NXN: variants seen among roughly 807,000 people sequenced by gnomAD.
NXN encodes the protein nucleoredoxin.
In NXN, 16 loss-of-function variants were observed where a neutral mutation model predicts 48.6. That is an observed-to-expected ratio of 0.33 (90% CI 0.22 to 0.50). The LOEUF (loss-of-function observed/expected upper bound fraction) is 0.50. Among genes scored for constraint, NXN ranks in the 20% least tolerant of loss-of-function variants. The probability of loss-of-function intolerance (pLI) is 0.98; values close to 1 mark genes in which losing one functional copy is unlikely to be tolerated. For synonymous variants in NXN, 281 were observed against 269.6 expected (o/e 1.04, Z -0.41); for missense variants, 492 against 605.5 (o/e 0.81, Z 1.97).
At chr17:888,451 G>T (rs925462571) in intron 1 of NXN, among the ~76,000 whole-genome samples, 1 of 152,120 alleles carries the variant, frequency 6.6e-6, no homozygotes, top group African/African-American at 2.4e-5. Context: ...GAAATCCTGG[G>T]CTTAAAGGAT....
chr17:910,407 A>G (rs2068624662), intron 1 of NXN, among the ~76,000 whole-genome samples: 3 of 151,260 alleles, frequency 2.0e-5, no homozygotes, highest in South Asian at 4.2e-4. Context: ...GTGAGACTCC[A>G]TTAAAAAAAA....
intron 5 of NXN, among the ~76,000 whole-genome samples, chr17:809,786 G>C (rs181765557): frequency 1.0e-5 from 1 of 96,570 alleles, no homozygotes; most frequent in Non-Finnish European, 2.4e-5. Context: ...ACTGCCGAGC[G>C]CACAGTGCCG....
chr17:810,435 G>A (rs547439774), intron 5 of NXN, among the ~76,000 whole-genome samples: 4 of 152,266 alleles, frequency 2.6e-5, no homozygotes, highest in South Asian at 2.1e-4. Context: ...TTTCTTTAAC[G>A]GCAGCCTATT....
At chr17:947,251 C>G (rs946045597) in intron 1 of NXN, among the ~76,000 whole-genome samples, 1 of 152,082 alleles carries the variant, frequency 6.6e-6, no homozygotes, top group Non-Finnish European at 1.5e-5. Context: ...ACAAGCGTGA[C>G]GGGGACGCGC....
At chr17:852,422 C>T (rs2067933949) in intron 1 of NXN, among the ~76,000 whole-genome samples, 1 of 152,222 alleles carries the variant, frequency 6.6e-6, no homozygotes, top group Non-Finnish European at 1.5e-5. Context: ...AAACTCAACC[C>T]TGTTTTCTCT....
At chr17:811,984 G>C (rs1912055338) in intron 5 of NXN, among the ~76,000 whole-genome samples, 1 of 143,226 alleles carries the variant, frequency 7.0e-6, no homozygotes, top group Non-Finnish European at 1.5e-5. Flanking sequence ...CTGGAGTGCA[G>C]TGGCAAGATC....
At chr17:947,754 A>AC (rs2069060387) in intron 1 of NXN, among the ~76,000 whole-genome samples, 1 of 145,744 alleles carries the variant, frequency 6.9e-6, no homozygotes, top group African/African-American at 2.6e-5. Flanking sequence ...AAAAAAAAAA[A>AC]GGGCCAGGCA....
chr17:905,805 T>C (rs1450133115), intron 1 of NXN, among the ~76,000 whole-genome samples: 2 of 151,810 alleles, frequency 1.3e-5, no homozygotes, highest in Admixed American at 6.6e-5. Flanking sequence ...AGCGAGACCC[T>C]ATCTCTACAA....
chr17:905,535 A>G (rs2057661716), intron 1 of NXN, among the ~76,000 whole-genome samples: 1 of 152,242 alleles, frequency 6.6e-6, no homozygotes, highest in South Asian at 2.1e-4. Flanking sequence ...CTTACAGGCT[A>G]GAACGTAGTA....
At chr17:882,408 G>A (rs377034435) in intron 1 of NXN, among the ~76,000 whole-genome samples, 2 of 152,176 alleles carry the variant, frequency 1.3e-5, no homozygotes, top group African/African-American at 2.4e-5. Context: ...TGAATGAGGC[G>A]GAGCCCTCCC....
intron 1 of NXN, among the ~76,000 whole-genome samples, chr17:895,789 G>A (rs1445780184): frequency 2.8e-4 from 1 of 3,578 alleles, no homozygotes; most frequent in Non-Finnish European, 5.7e-4. Flanking sequence ...CTGCACTCCA[G>A]CCTGGGTTTT....
At chr17:864,243 G>C in intron 1 of NXN, 1 of 1,213,530 alleles carries the variant, frequency 8.2e-7, no homozygotes, top group Non-Finnish European at 1.2e-6. Flanking sequence ...CAACTTTTCT[G>C]TAGGTCTGAA....
intron 1 of NXN, among the ~76,000 whole-genome samples, chr17:931,801 C>T (rs1310907989): frequency 7.7e-6 from 1 of 130,046 alleles, no homozygotes; most frequent in African/African-American, 2.9e-5. Flanking sequence ...CGCCACTGCA[C>T]TCCAGCCTGG....
At chr17:869,660 A>G in intron 1 of NXN, among the ~76,000 whole-genome samples, 1 of 152,146 alleles carries the variant, frequency 6.6e-6, no homozygotes, top group East Asian at 1.9e-4. Context: ...CTCGGGAAAG[A>G]CTCCTTATTA....
chr17:896,940 C>T lies in NXN; in HGVS notation c.361-70862G>A, dbSNP rs1473005734. ...CAATATTCTTCTTTTTTTCCCAAGCCAGTCCCCTCCTAGGCCTGTTGCAGT... is the reference window on the plus strand; with the variant it reads ...CAATATTCTTCTTTTTTTCCCAAGCTAGTCCCCTCCTAGGCCTGTTGCAGT... On this transcript the variant is annotated intron_variant, in intron 1 of 7. Transcript: ENST00000336868. The T allele has an allele frequency of 5.6e-6, 7 of 1,245,260 alleles. No individual in the cohort carries two copies. The African/African-American group carries it at 7.9e-5, about 14-fold the overall frequency. The allele number at this position is 1,245,260 out of a possible 1,614,324, so 77.1% of individuals were successfully genotyped here.
At chr17:878,956 G>T (rs528747699) in intron 1 of NXN, among the ~76,000 whole-genome samples, 3 of 152,256 alleles carry the variant, frequency 2.0e-5, no homozygotes, top group African/African-American at 7.2e-5. Context: ...CCTGAGGTCA[G>T]GAGTTCAAGA....
chr17:939,122 G>C (rs1335907793), intron 1 of NXN, among the ~76,000 whole-genome samples: 1 of 152,024 alleles, frequency 6.6e-6, no homozygotes, highest in Non-Finnish European at 1.5e-5. Flanking sequence ...CAGAATCTTT[G>C]ACCTAGCAAT....
In NXN at chr17:800,605, C is replaced by T. The variant is rs376031497; in HGVS notation, c.*344G>A. 2.3e-5 allele frequency: 4 copies of T among 174,232 alleles called. No individual in the cohort carries two copies. Among genetic ancestry groups the T allele is most frequent in the Non-Finnish European group, 3.6e-5 (3 of 82,830 alleles). The allele number at this position is 174,232 out of a possible 1,614,324, so 10.8% of individuals were successfully genotyped here. On this transcript the variant is annotated 3_prime_UTR_variant, in exon 8 of 8. Transcript: ENST00000336868. ...GCCGACGTCAGAGTCAGAGCCCGAG[C>T]GGGACCCACCGGCCCTCCACGCTCA...
Position 813,938 on chromosome 17 carries a change from CCT to C in NXN, c.820+5499_820+5500del, listed in dbSNP as rs1210986028. 4.1e-5 allele frequency among the ~76,000 whole-genome samples: 6 copies of C among 147,266 alleles called. No homozygotes were observed. The East Asian group carries it at 1.0e-3, about 25-fold the overall frequency. On this transcript the variant is annotated intron_variant, in intron 5 of 7. Transcript: ENST00000336868. Reference sequence around the variant, plus strand: ...CCAAGATTGTGCCAATGTACTCCAGCCTCTGGGTAACAGAGCAAGACTCTGTC... The same window carrying C: ...CCAAGATTGTGCCAATGTACTCCAGCCTGGGTAACAGAGCAAGACTCTGTC...
Sources: gnomAD v4.1 joint callset for allele counts (sites outside exome capture counted in the v4.1 genomes callset) on GRCh38, gnomAD v4.1.1 for gene constraint, MANE v1.5 for transcripts, NCBI Gene and HGNC (gene_info 2026-07-23, HGNC 2026-07-21) for gene names.